Variants in ZNF529 observed in about 807,000 individuals in gnomAD.
ZNF529 encodes zinc finger protein 529.
ZNF529 carries 11 observed loss-of-function variants against 10.1 expected under a neutral mutation model. That is an observed-to-expected ratio of 1.09 (90% CI 0.69 to 1.81). ZNF529 has a LOEUF of 1.81. Among genes scored for constraint, ZNF529 ranks in the 40% most tolerant of loss-of-function variants. ZNF529 has a pLI of 0.00. For missense variants in ZNF529, 624 were observed against 666.8 expected (o/e 0.94, Z 0.71); for synonymous variants, 204 against 215.7 (o/e 0.95, Z 0.47).
chr19:36,557,375 T>C (rs934458886), intron 2 of ZNF529, among the ~76,000 whole-genome samples: 4 of 152,166 alleles, frequency 2.6e-5, no homozygotes, highest in Non-Finnish European at 5.9e-5. Flanking sequence ...GAAAGAGGCT[T>C]AATTGACTCA....
At chr19:36,593,407 G>A (rs909132370) in intron 1 of ZNF529, among the ~76,000 whole-genome samples, 7 of 152,236 alleles carry the variant, frequency 4.6e-5, no homozygotes, top group African/African-American at 1.4e-4. Context: ...GGGCTCAAGC[G>A]ATCTGCCTGC....
intron 4 of ZNF529, among the ~76,000 whole-genome samples, chr19:36,550,482 G>A (rs2035218589): frequency 6.6e-6 from 1 of 152,110 alleles, no homozygotes; most frequent in Non-Finnish European, 1.5e-5. Flanking sequence ...GGAGACGGAG[G>A]TTGCAGTGAG....
intron 1 of ZNF529, among the ~76,000 whole-genome samples, chr19:36,604,191 A>C (rs1426994561): frequency 6.6e-6 from 1 of 152,122 alleles, no homozygotes; most frequent in Non-Finnish European, 1.5e-5. Flanking sequence ...ACACACACAC[A>C]CAAAATCTTT....
chr19:36,566,668 C>T (rs542959185), intron 2 of ZNF529, among the ~76,000 whole-genome samples: 2 of 151,436 alleles, frequency 1.3e-5, no homozygotes, highest in African/African-American at 2.4e-5. Flanking sequence ...CAGTGAGTTG[C>T]GATTGCACCA....
At chr19:36,592,284 CAAAAAAA>C (rs35717465) in intron 1 of ZNF529, among the ~76,000 whole-genome samples, 1 of 49,850 alleles carries the variant, frequency 2.0e-5, no homozygotes, top group Non-Finnish European at 3.5e-5. Context: ...GACTTTGTCT[CAAAAAAA>C]AAAAAAAAAA....
chr19:36,587,884 C>A (rs1321294043), intron 2 of ZNF529, among the ~76,000 whole-genome samples: 1 of 152,124 alleles, frequency 6.6e-6, no homozygotes, highest in African/African-American at 2.4e-5. Context: ...CTAAGGGGAG[C>A]TGGATTTCTT....
intron 2 of ZNF529, among the ~76,000 whole-genome samples, chr19:36,560,900 G>A (rs1334797173): frequency 6.6e-6 from 1 of 152,172 alleles, no homozygotes; most frequent in African/African-American, 2.4e-5. Flanking sequence ...TTATAACACG[G>A]AAGCAAAATA....
intron 1 of ZNF529, among the ~76,000 whole-genome samples, chr19:36,603,492 T>C (rs1407597657): frequency 6.6e-6 from 1 of 152,146 alleles, no homozygotes. Flanking sequence ...CAAAAATGCA[T>C]TTCATAAAAC....
At chr19:36,592,713 T>C (rs1313437620) in intron 1 of ZNF529, among the ~76,000 whole-genome samples, 1 of 151,394 alleles carries the variant, frequency 6.6e-6, no homozygotes, top group African/African-American at 2.4e-5. Context: ...AAAAGAGAAA[T>C]AGAAAATGCT....
intron 2 of ZNF529, among the ~76,000 whole-genome samples, chr19:36,556,506 G>A (rs975655193): frequency 1.3e-5 from 2 of 152,174 alleles, no homozygotes; most frequent in African/African-American, 2.4e-5. Context: ...CTCTGCCCCA[G>A]TTACCTGTTG....
intron 1 of ZNF529, among the ~76,000 whole-genome samples, chr19:36,590,674 A>G (rs958761966): frequency 7.9e-5 from 12 of 152,220 alleles, no homozygotes; most frequent in African/African-American, 2.9e-4. Flanking sequence ...TCATGCCTGT[A>G]ATCCCAGTAC....
At chr19:36,587,126 G>A (rs1010715329) in intron 2 of ZNF529, among the ~76,000 whole-genome samples, 16 of 152,058 alleles carry the variant, frequency 1.1e-4, no homozygotes, top group South Asian at 2.1e-4. Flanking sequence ...TTAGCCAGGC[G>A]TGGTGGCGAG....
At chr19:36,565,513 CAACATGGTG>C in intron 2 of ZNF529, among the ~76,000 whole-genome samples, 1 of 152,196 alleles carries the variant, frequency 6.6e-6, no homozygotes, top group East Asian at 1.9e-4. Flanking sequence ...CAAGCCTGGC[CAACATGGTG>C]AAACCCCATC....
intron 1 of ZNF529, among the ~76,000 whole-genome samples, chr19:36,598,283 G>A (rs998305173): frequency 1.3e-5 from 2 of 152,160 alleles, no homozygotes; most frequent in Non-Finnish European, 1.5e-5. Flanking sequence ...GCTGAGGCTG[G>A]AGGATCACTT....
intron 1 of ZNF529, chr19:36,604,676 C>T (rs2036990414): frequency 6.6e-6 from 1 of 152,316 alleles, no homozygotes; most frequent in South Asian, 2.1e-4. Flanking sequence ...AGAAATCAAA[C>T]TCTACAAAAG....
At chr19:36,577,237 G>T, upstream of ZNF529, 1 of 448,586 alleles carries the variant, frequency 2.2e-6, no homozygotes, top group Non-Finnish European at 4.5e-6. Context: ...TAGGATTACA[G>T]GTGTGAACCA....
chr19:36,551,850 A>G (rs2145796110), intron 4 of ZNF529: 1 of 152,256 alleles, frequency 6.6e-6, no homozygotes, highest in Non-Finnish European at 1.5e-5. Context: ...ACATATCACT[A>G]TATATGTTCT....
chr19:36,556,127 A>C lies in ZNF529; in HGVS notation c.85T>G (p.Phe29Val). The C allele has an allele frequency of 2.6e-6, 4 of 1,550,398 alleles. No homozygotes were observed. The highest frequency in any genetic ancestry group is 3.5e-6 in the Non-Finnish European group (4 of 1,145,796). ...ACATGGTCCATGGTTAGAACTGTAA[A>C]GAATTGGTCAGGGAATTCCACTTCT... ...MPEVEFPDQF[F>V]TVLTMDHELV... The change falls in exon 3 of 5, where the codon TTT becomes GTT. Residue 29 changes from phenylalanine (F) to valine (V), a missense_variant. By Grantham distance (50) the Phe-to-Val change is conservative. Coordinates refer to ENST00000591340, the MANE Select transcript of ZNF529 (RefSeq NM_020951.5).
chr19:36,593,802 G>A (rs543175680), intron 1 of ZNF529: 1 of 152,258 alleles, frequency 6.6e-6, no homozygotes, highest in South Asian at 2.1e-4. Context: ...GGCTAAAAAT[G>A]GTTAAGAACT....
Sources: gnomAD v4.1 joint callset for allele counts (sites outside exome capture counted in the v4.1 genomes callset) on GRCh38, gnomAD v4.1.1 for gene constraint, MANE v1.5 for transcripts, NCBI Gene and HGNC (gene_info 2026-07-23, HGNC 2026-07-21) for gene names.